The following NRP1 variants were observed in gnomAD, a reference collection of about 807,000 sequenced individuals.
NRP1 encodes the protein neuropilin 1, also known as neuropilin-1.
In NRP1, 35 loss-of-function variants were observed where a neutral mutation model predicts 106.7. The ratio of observed to expected loss-of-function variants is 0.33; its 90% CI spans 0.25 to 0.43. The LOEUF is 0.43. Ranked by LOEUF, NRP1 falls within the 20% of genes least tolerant of loss-of-function variation. NRP1 has a pLI of 1.00. For synonymous variants in NRP1, 437 were observed against 417.9 expected (o/e 1.05, Z -0.56); for missense variants, 1,024 against 1,170.4 (o/e 0.87, Z 1.83).
At chr10:33,184,208 G>A (rs949144585) in intron 15 of NRP1, among the ~76,000 whole-genome samples, 2 of 152,078 alleles carry the variant, frequency 1.3e-5, no homozygotes. Flanking sequence ...TAGAGATGGG[G>A]TTTTGCCATG....
In NRP1 at chr10:33,256,368, T is replaced by C. The variant is rs758735618; in HGVS notation, c.762A>G (p.Ala254=). 1 of 1,614,238 alleles carries C rather than the reference T, an allele frequency of 6.2e-7. No individual in the cohort carries two copies. The highest frequency in any genetic ancestry group is 8.5e-7 in the Non-Finnish European group (1 of 1,180,044). ...SMVFYTDSAI[A]KEGFSANYSV... Reference sequence around the variant, plus strand: ...TGTAGTTTGCTGAGAAACCTTCTTTTGCTATCGCGCTGTCGGTGTAAAAAA... The same window carrying C: ...TGTAGTTTGCTGAGAAACCTTCTTTCGCTATCGCGCTGTCGGTGTAAAAAA... The change falls in exon 5 of 17, where the codon GCA becomes GCG. Residue 254 remains alanine, a synonymous_variant. Coordinates refer to ENST00000374867, the MANE Select transcript of NRP1 (RefSeq NM_003873.7).
intron 13 of NRP1, among the ~76,000 whole-genome samples, chr10:33,189,289 C>T (rs2253918): frequency 0.48 from 72,568 of 152,004 alleles, 18,927 homozygotes; most frequent in East Asian, 0.78. Context: ...CACACTCTGC[C>T]TCTATCTAAC....
chr10:33,210,145 T>G (rs1456024366), intron 9 of NRP1, among the ~76,000 whole-genome samples: 1 of 152,164 alleles, frequency 6.6e-6, no homozygotes, highest in African/African-American at 2.4e-5. Context: ...TCTAGGAGTT[T>G]AAAAATGCAT....
At chr10:33,260,759 C>T (rs2133223238) in intron 4 of NRP1, among the ~76,000 whole-genome samples, 1 of 152,240 alleles carries the variant, frequency 6.6e-6, no homozygotes, top group East Asian at 1.9e-4. Context: ...GAGTAAACTG[C>T]TTTTCTTCAA....
At chr10:33,312,292 T>C (rs2132799176) in intron 2 of NRP1, among the ~76,000 whole-genome samples, 1 of 152,356 alleles carries the variant, frequency 6.6e-6, no homozygotes, top group East Asian at 1.9e-4. Context: ...TAAGGACACA[T>C]TCAGAAAGAA....
intron 2 of NRP1, among the ~76,000 whole-genome samples, chr10:33,273,730 T>C (rs1310906550): frequency 6.6e-6 from 1 of 152,192 alleles, no homozygotes; most frequent in East Asian, 1.9e-4. Context: ...GAATTACGTC[T>C]GAGGAATTTA....
chr10:33,315,262 G>A (rs79206496), intron 2 of NRP1, among the ~76,000 whole-genome samples: 5,670 of 152,254 alleles, frequency 0.037, 141 homozygotes, highest in Middle Eastern at 0.078. Context: ...TAAAAATAGA[G>A]GTTTTTAGGG....
intron 9 of NRP1, among the ~76,000 whole-genome samples, chr10:33,208,564 C>T (rs1405485756): frequency 6.6e-6 from 1 of 152,188 alleles, no homozygotes; most frequent in Non-Finnish European, 1.5e-5. Flanking sequence ...CTTATATCCT[C>T]TTCTCCAGCA....
chr10:33,204,836 A>G (rs1467517346), intron 10 of NRP1, among the ~76,000 whole-genome samples: 1 of 151,912 alleles, frequency 6.6e-6, no homozygotes, highest in Non-Finnish European at 1.5e-5. Flanking sequence ...GATTCAAGAG[A>G]TTCTCCTGCC....
intron 2 of NRP1, among the ~76,000 whole-genome samples, chr10:33,273,784 T>A (rs1435080015): frequency 6.6e-6 from 1 of 152,158 alleles, no homozygotes; most frequent in Admixed American, 6.5e-5. Flanking sequence ...GACCCCTCTG[T>A]CTGTCTGGGT....
rs112678146 is a variant in NRP1, at chr10:33,205,073, A to G, written c.1760-2078T>C. ...TTAAATGTAAGTGCTAGCACAAAATAGGACAGACACTCCTGGGAGGCTGGA... is the reference window on the plus strand; with the variant it reads ...TTAAATGTAAGTGCTAGCACAAAATGGGACAGACACTCCTGGGAGGCTGGA... On this transcript the variant is annotated intron_variant, in intron 10 of 16. Transcript: ENST00000374867. Among the ~76,000 whole-genome samples, 500 of 152,314 alleles carry G rather than the reference A, an allele frequency of 3.3e-3. 3 individuals carry two copies. The highest frequency in any genetic ancestry group is 0.011 in the African/African-American group (456 of 41,570).
At chr10:33,197,350 T>C (rs1313792055) in intron 12 of NRP1, among the ~76,000 whole-genome samples, 3 of 152,308 alleles carry the variant, frequency 2.0e-5, no homozygotes, top group East Asian at 1.9e-4. Flanking sequence ...CTCCTGTAGT[T>C]TGCAAACACA....
intron 13 of NRP1, among the ~76,000 whole-genome samples, chr10:33,191,416 C>A (rs1256951696): frequency 6.6e-6 from 1 of 152,174 alleles, no homozygotes; most frequent in Non-Finnish European, 1.5e-5. Context: ...AATAAGAATT[C>A]CACACCGTCT....
intron 8 of NRP1, among the ~76,000 whole-genome samples, chr10:33,217,847 A>G (rs1838902896): frequency 2.0e-5 from 3 of 152,216 alleles, no homozygotes; most frequent in Non-Finnish European, 4.4e-5. Flanking sequence ...CGTTATTTTC[A>G]GTGATATTAT....
chr10:33,328,787 T>C (rs1848069699), intron 2 of NRP1, among the ~76,000 whole-genome samples: 1 of 152,210 alleles, frequency 6.6e-6, no homozygotes, highest in Non-Finnish European at 1.5e-5. Flanking sequence ...TTGACTCGTC[T>C]TCTCCAAAGA....
At chr10:33,254,964 CAA>C (rs1188093403) in intron 5 of NRP1, among the ~76,000 whole-genome samples, 1 of 152,116 alleles carries the variant, frequency 6.6e-6, no homozygotes, top group Non-Finnish European at 1.5e-5. Context: ...AGTGAAACAT[CAA>C]AATCTATATT....
chr10:33,232,638 CTTTTTTTTT>C (rs71030049), intron 6 of NRP1, among the ~76,000 whole-genome samples: 2 of 94,210 alleles, frequency 2.1e-5, no homozygotes, highest in Non-Finnish European at 4.0e-5. Context: ...TTTTCTTTTC[CTTTTTTTTT>C]TTTTTTTTTT....
chr10:33,270,388 C>G (rs1843220748), intron 3 of NRP1, among the ~76,000 whole-genome samples: 2 of 150,440 alleles, frequency 1.3e-5, no homozygotes, highest in Non-Finnish European at 2.9e-5. Context: ...GTGCAATGGC[C>G]TGTGCTCGGC....
chr10:33,330,804 C>G lies in NRP1; in HGVS notation c.152G>C (p.Ser51Thr). The G allele has an allele frequency of 6.2e-7, 1 of 1,613,836 alleles. No individual in the cohort carries two copies. Among genetic ancestry groups the G allele is most frequent in the African/African-American group, 1.3e-5 (1 of 75,034 alleles). Residue 51 changes from serine to threonine, a missense_variant, in exon 2 of 17, where the codon AGT becomes ACT. Around this residue, in one of 5 missense-constraint regions of NRP1, gnomAD observed 279 missense variants for 327.4 expected, o/e 0.85. Coordinates refer to ENST00000374867, the MANE Select transcript of NRP1 (RefSeq NM_003873.7). Reference sequence around the variant, plus strand: ...CTGAATCAGCCATTCGCATTTTTCACTTGGGTGATAAGAATGAGGATAACC... The same window carrying G: ...CTGAATCAGCCATTCGCATTTTTCAGTTGGGTGATAAGAATGAGGATAACC... The part of the protein sequence containing the change: ...SPGYPHSYHP[S>T]EKCEWLIQAP...
Sources: gnomAD v4.1 joint callset for allele counts (sites outside exome capture counted in the v4.1 genomes callset) on GRCh38, gnomAD v4.1.1 for gene constraint, gnomAD v4.1.1 regional missense constraint, MANE v1.5 for transcripts, NCBI Gene and HGNC (gene_info 2026-07-23, HGNC 2026-07-21) for gene names.